Variants in IP6K1 observed in about 807,000 individuals in gnomAD.
IP6K1 encodes the protein inositol hexakisphosphate kinase 1, also known as ATP:1D-myo-inositol-hexakisphosphate phosphotransferase.
IP6K1 carries 13 observed loss-of-function variants against 38.3 expected under a neutral mutation model. The observed-to-expected ratio is 0.34, with a 90% CI of 0.22 to 0.54. The LOEUF (loss-of-function observed/expected upper bound fraction) is 0.54. IP6K1 is among the 20% of genes least tolerant of loss of function. IP6K1 has a pLI of 0.92. For synonymous variants in IP6K1, 212 were observed against 229.9 expected (o/e 0.92, Z 0.70); for missense variants, 397 against 599.8 (o/e 0.66, Z 3.53).
At chr3:49,782,817 A>G (rs574114089) in intron 1 of IP6K1, among the ~76,000 whole-genome samples, 1 of 151,968 alleles carries the variant, frequency 6.6e-6, no homozygotes, top group African/African-American at 2.4e-5. Flanking sequence ...CTCTTAAAAA[A>G]GGCCAGGCGT....
intron 1 of IP6K1, among the ~76,000 whole-genome samples, chr3:49,779,345 T>C (rs141203440): frequency 1.6e-4 from 24 of 152,362 alleles, no homozygotes; most frequent in African/African-American, 5.5e-4. Flanking sequence ...CTTGTATGTA[T>C]ACACCACATT....
At position 49,747,843 on chromosome 3, in the gene IP6K1, C is replaced by T; in HGVS notation, c.198G>A (p.Met66Ile). The change falls in exon 2 of 6, where the codon ATG becomes ATA. Residue 66 changes from methionine (M) to isoleucine (I), a missense_variant. Coordinates refer to ENST00000321599, the MANE Select transcript of IP6K1 (RefSeq NM_153273.4). ...QRFYESLPPE[M>I]KEFTPEYKGV... ...CTTTGTATTCAGGGGTGAACTCCTT[C>T]ATTTCGGGAGGGAGGGACTCGTAAA... The T allele has an allele frequency of 1.2e-6, 2 of 1,614,128 alleles. No individual in the cohort carries two copies. Among genetic ancestry groups the T allele is most frequent in the Non-Finnish European group, 1.7e-6 (2 of 1,180,004 alleles).
chr3:49,729,811 G>A (rs1399989536), intron 4 of IP6K1, among the ~76,000 whole-genome samples: 1 of 151,906 alleles, frequency 6.6e-6, no homozygotes, highest in East Asian at 1.9e-4. Flanking sequence ...GCTCGCTGCA[G>A]CACTGACCAC....
intron 1 of IP6K1, among the ~76,000 whole-genome samples, chr3:49,767,774 G>A (rs936866044): frequency 1.3e-5 from 2 of 152,048 alleles, no homozygotes; most frequent in Admixed American, 6.6e-5. Flanking sequence ...TTTAAAAAGA[G>A]TGAAAACATC....
chr3:49,751,002 A>T (rs1431929146), intron 1 of IP6K1, among the ~76,000 whole-genome samples: 1 of 152,230 alleles, frequency 6.6e-6, no homozygotes, highest in Non-Finnish European at 1.5e-5. Flanking sequence ...GCCTTGCTTT[A>T]CAAGGTGTGG....
chr3:49,748,669 C>T (rs2080745039), intron 1 of IP6K1, among the ~76,000 whole-genome samples: 1 of 152,112 alleles, frequency 6.6e-6, no homozygotes, highest in Non-Finnish European at 1.5e-5. Flanking sequence ...TGCCAAGGAC[C>T]AGGCAGGCCA....
chr3:49,738,482 A>T, intron 2 of IP6K1, 60 bp from the exon 3 acceptor site: 7 of 1,341,496 alleles, frequency 5.2e-6, no homozygotes, highest in Non-Finnish European at 7.5e-6. Context: ...TATGCAGCAC[A>T]GACTGTTGGC....
At chr3:49,764,280 G>A (rs2080890391) in intron 1 of IP6K1, among the ~76,000 whole-genome samples, 1 of 152,110 alleles carries the variant, frequency 6.6e-6, no homozygotes, top group Non-Finnish European at 1.5e-5. Context: ...TACTCAGGAG[G>A]CTGAGGTGGG....
chr3:49,740,057 C>T (rs2080651964), intron 2 of IP6K1, among the ~76,000 whole-genome samples: 1 of 151,914 alleles, frequency 6.6e-6, no homozygotes, highest in African/African-American at 2.4e-5. Flanking sequence ...TTCAGTGGCT[C>T]ACACTGTAAT....
At chr3:49,739,186 C>T (rs1018099373) in intron 2 of IP6K1, among the ~76,000 whole-genome samples, 1 of 152,050 alleles carries the variant, frequency 6.6e-6, no homozygotes, top group African/African-American at 2.4e-5. Flanking sequence ...CACATCCCAC[C>T]TTTTGTCTGT....
intron 4 of IP6K1, among the ~76,000 whole-genome samples, chr3:49,731,991 T>C (rs938978193): frequency 6.6e-6 from 1 of 151,746 alleles, no homozygotes; most frequent in African/African-American, 2.4e-5. Context: ...AGCTAGAATG[T>C]AGTGGTGCAA....
At chr3:49,772,226 T>A (rs7371882) in intron 1 of IP6K1, among the ~76,000 whole-genome samples, 12,602 of 111,022 alleles carry the variant, frequency 0.11, 1,074 homozygotes, top group African/African-American at 0.25. Context: ...AAAAAAAAAA[T>A]ATATATATAT....
At chr3:49,775,232 A>T (rs1339863845) in intron 1 of IP6K1, 2 of 166,214 alleles carry the variant, frequency 1.2e-5, no homozygotes, top group African/African-American at 4.8e-5. Flanking sequence ...ACCTGTAAGC[A>T]GTCTCGAAAA....
At chr3:49,744,728 A>T (rs1271483479) in intron 2 of IP6K1, among the ~76,000 whole-genome samples, 1 of 152,170 alleles carries the variant, frequency 6.6e-6, no homozygotes, top group African/African-American at 2.4e-5. Context: ...TGGTTACTAG[A>T]TATACTGATT....
Position 49,726,086 on chromosome 3 carries a change from T to C in IP6K1, c.*1036A>G, listed in dbSNP as rs1390257406. ...TCAGACAAAGCTCTCATTAGCAGAA[T>C]GTGGGCACCTGCACCCAGGGCCCAT... On this transcript the variant is annotated 3_prime_UTR_variant, in exon 6 of 6. Coordinates refer to ENST00000321599, the MANE Select transcript of IP6K1 (RefSeq NM_153273.4). 1 of 152,506 alleles carries C rather than the reference T, an allele frequency of 6.6e-6. No individual in the cohort carries two copies. The highest frequency in any genetic ancestry group is 1.5e-5 in the Non-Finnish European group (1 of 68,074). 9.4% of individuals were successfully genotyped at this position (152,506 alleles called of 1,614,324 possible).
chr3:49,782,654 A>T (rs1239142413), intron 1 of IP6K1, among the ~76,000 whole-genome samples: 2 of 152,046 alleles, frequency 1.3e-5, no homozygotes, highest in Non-Finnish European at 2.9e-5. Context: ...AAATTAAGAC[A>T]AAGAAAATTA....
intron 1 of IP6K1, among the ~76,000 whole-genome samples, chr3:49,783,500 CAGG>C (rs1326941919): frequency 6.6e-6 from 1 of 151,874 alleles, no homozygotes; most frequent in Non-Finnish European, 1.5e-5. Flanking sequence ...ATCATGAGGT[CAGG>C]AGATCGAGAC....
chr3:49,746,309 C>G (rs1359387552), intron 2 of IP6K1, among the ~76,000 whole-genome samples: 1 of 150,760 alleles, frequency 6.6e-6, no homozygotes, highest in African/African-American at 2.4e-5. Context: ...ACCCAGGTGT[C>G]CATCAACAGA....
intron 1 of IP6K1, among the ~76,000 whole-genome samples, chr3:49,780,477 G>C (rs1384470008): frequency 6.6e-6 from 1 of 152,126 alleles, no homozygotes; most frequent in Non-Finnish European, 1.5e-5. Flanking sequence ...CTGCTTCCTT[G>C]TTGCAAGTCA....
Sources: gnomAD v4.1 joint callset for allele counts (sites outside exome capture counted in the v4.1 genomes callset) on GRCh38, gnomAD v4.1.1 for gene constraint, MANE v1.5 for transcripts, NCBI Gene and HGNC (gene_info 2026-07-23, HGNC 2026-07-21) for gene names.